The following SLC35A1 variants were observed in gnomAD, a reference collection of about 807,000 sequenced individuals.
SLC35A1 encodes the protein CMP-sialic acid transporter.
In SLC35A1, 21 loss-of-function variants were observed where a neutral mutation model predicts 40.3. The observed-to-expected ratio is 0.52, with a 90% confidence interval of 0.37 to 0.75. SLC35A1 has a LOEUF of 0.75. Among genes scored for constraint, SLC35A1 ranks in the 30% least tolerant of loss-of-function variants. The pLI is 0.00. For missense variants in SLC35A1, 297 were observed against 382.1 expected (o/e 0.78, Z 1.86); for synonymous variants, 146 against 147.3 (o/e 0.99, Z 0.06).
At position 87,483,762 on chromosome 6, in the gene SLC35A1, T is replaced by C. The variant is rs79334296; in HGVS notation, c.194+6223T>C. On this transcript the variant is annotated intron_variant, in intron 2 of 7. Transcript: ENST00000369552. ...TTGCCTATCCTGGGAGGTTGACATG[T>C]TTCCTCCCCTTTCCCCCTCTGAAGG... Among the ~76,000 whole-genome samples, 584 of 152,230 alleles carry C rather than the reference T, an allele frequency of 3.8e-3. 4 individuals are homozygous for C. The highest frequency in any genetic ancestry group is 0.013 in the African/African-American group (545 of 41,526).
chr6:87,477,800 A>T (rs1424203755), intron 2 of SLC35A1, among the ~76,000 whole-genome samples: 1 of 152,192 alleles, frequency 6.6e-6, no homozygotes, highest in African/African-American at 2.4e-5. Context: ...ATCCAGCCCC[A>T]AATGTCAGTA....
intron 1 of SLC35A1, among the ~76,000 whole-genome samples, chr6:87,476,422 A>C (rs957963440): frequency 1.3e-5 from 2 of 152,192 alleles, no homozygotes; most frequent in Non-Finnish European, 1.5e-5. Flanking sequence ...TAATCATAAA[A>C]ATATTTAAAA....
At chr6:87,484,862 G>C (rs868149872) in intron 2 of SLC35A1, among the ~76,000 whole-genome samples, 1 of 152,182 alleles carries the variant, frequency 6.6e-6, no homozygotes, top group Non-Finnish European at 1.5e-5. Context: ...TTTAGAACTC[G>C]TATCTAACAG....
intron 2 of SLC35A1, among the ~76,000 whole-genome samples, chr6:87,484,781 C>T (rs1370593474): frequency 1.3e-5 from 2 of 152,016 alleles, no homozygotes; most frequent in African/African-American, 4.8e-5. Flanking sequence ...AGGTGCTTTA[C>T]AAAGAAGTTA....
chr6:87,473,537 T>C (rs1178056066), intron 1 of SLC35A1, among the ~76,000 whole-genome samples: 2 of 152,188 alleles, frequency 1.3e-5, no homozygotes, highest in Non-Finnish European at 1.5e-5. Flanking sequence ...AAAACAGCAC[T>C]GAAATCGTAA....
chr6:87,505,329 A>G (rs978616634), intron 4 of SLC35A1, among the ~76,000 whole-genome samples: 50 of 152,224 alleles, frequency 3.3e-4, no homozygotes, highest in African/African-American at 1.1e-3. Flanking sequence ...ATCTTTCAGG[A>G]AAGACTGATG....
chr6:87,492,783 C>T (rs914389227), intron 2 of SLC35A1, among the ~76,000 whole-genome samples: 12 of 152,204 alleles, frequency 7.9e-5, no homozygotes, highest in African/African-American at 2.9e-4. Flanking sequence ...CTCCTGACCT[C>T]AGGCGATGCA....
At chr6:87,486,386 G>A (rs964563149) in intron 2 of SLC35A1, among the ~76,000 whole-genome samples, 1 of 151,988 alleles carries the variant, frequency 6.6e-6, no homozygotes, top group African/African-American at 2.4e-5. Flanking sequence ...GTTGTTTCAA[G>A]GTATTGTTAA....
chr6:87,504,675 T>C (rs963954166), intron 4 of SLC35A1, among the ~76,000 whole-genome samples: 1 of 152,212 alleles, frequency 6.6e-6, no homozygotes, highest in African/African-American at 2.4e-5. Context: ...AAAGTTCCCA[T>C]CACATCTACT....
Position 87,511,673 on chromosome 6 carries a change from CG to C in SLC35A1, c.*148del, listed in dbSNP as rs1357582299. 2 of 869,676 alleles carry C rather than the reference CG, an allele frequency of 2.3e-6. No homozygotes were observed. Among genetic ancestry groups the C allele is most frequent in the African/African-American group, 3.3e-5 (2 of 60,076 alleles). 53.9% of individuals were successfully genotyped at this position (869,676 alleles called of 1,614,324 possible). On this transcript the variant is annotated 3_prime_UTR_variant, in exon 8 of 8. Transcript: ENST00000369552. Reference sequence around the variant, plus strand: ...TTATGTGGAAACAACAACAAACAAACGAAGCTATCTGAGTGAACTGCTAATA... The same window carrying C: ...TTATGTGGAAACAACAACAAACAAACAAGCTATCTGAGTGAACTGCTAATA...
intron 2 of SLC35A1, among the ~76,000 whole-genome samples, chr6:87,484,315 T>C (rs1582172135): frequency 6.6e-6 from 1 of 152,126 alleles, no homozygotes; most frequent in East Asian, 1.9e-4. Context: ...GCCCCTAAAT[T>C]GTTATAAAGT....
At chr6:87,506,611 T>C (rs768863460) in intron 5 of SLC35A1, among the ~76,000 whole-genome samples, 163 bp downstream of exon 5, 3 of 152,236 alleles carry the variant, frequency 2.0e-5, no homozygotes, top group Non-Finnish European at 4.4e-5. Context: ...AGTAAATGTA[T>C]AGCATTGTTC....
At chr6:87,488,969 C>A (rs1187858768) in intron 2 of SLC35A1, among the ~76,000 whole-genome samples, 1 of 152,120 alleles carries the variant, frequency 6.6e-6, no homozygotes, top group Non-Finnish European at 1.5e-5. Flanking sequence ...GGGCTGAGAC[C>A]CCATTGTCTT....
intron 2 of SLC35A1, among the ~76,000 whole-genome samples, chr6:87,490,604 A>T (rs1769520659): frequency 6.6e-6 from 1 of 152,004 alleles, no homozygotes; most frequent in Non-Finnish European, 1.5e-5. Context: ...TGTAATTTTT[A>T]TTTGAAAAAA....
intron 2 of SLC35A1, among the ~76,000 whole-genome samples, chr6:87,485,193 T>A (rs928906252): frequency 8.5e-5 from 13 of 152,348 alleles, no homozygotes; most frequent in Non-Finnish European, 1.9e-4. Context: ...AAAAATGTTA[T>A]GAGATGATTT....
chr6:87,510,491 G>A (rs891094121), intron 7 of SLC35A1, among the ~76,000 whole-genome samples: 7 of 152,068 alleles, frequency 4.6e-5, no homozygotes, highest in Non-Finnish European at 1.0e-4. Flanking sequence ...TTAGTTAGGA[G>A]TGAACTAAAA....
chr6:87,473,170 G>A (rs1768967053), intron 1 of SLC35A1, 151 bp downstream of exon 1: 1 of 391,884 alleles, frequency 2.6e-6, no homozygotes, highest in African/African-American at 2.1e-5. Flanking sequence ...GCGTGGAGCC[G>A]CTCCCGGCAG....
At chr6:87,498,682 A>C (rs919009878) in intron 2 of SLC35A1, among the ~76,000 whole-genome samples, 1 of 152,168 alleles carries the variant, frequency 6.6e-6, no homozygotes, top group Admixed American at 6.5e-5. Context: ...GAGGTAGGAG[A>C]ATCCATGAAC....
At chr6:87,481,189 G>T (rs941511513) in intron 2 of SLC35A1, among the ~76,000 whole-genome samples, 15 of 152,148 alleles carry the variant, frequency 9.9e-5, no homozygotes, top group Admixed American at 6.5e-5. Context: ...GCCGAGGCGG[G>T]TGGATCACCT....
Sources: allele counts gnomAD v4.1 joint callset (sites outside exome capture counted in the v4.1 genomes callset), GRCh38; gene constraint gnomAD v4.1.1; transcripts MANE v1.5; gene names NCBI Gene and HGNC (gene_info 2026-07-23, HGNC 2026-07-21).